The following PITPNB variants were observed in gnomAD, a reference collection of about 807,000 sequenced individuals.
The protein encoded by PITPNB is phosphatidylinositol transfer protein beta isoform.
A neutral mutation model predicts 45.9 loss-of-function variants in PITPNB; 16 were observed. The observed-to-expected ratio is 0.35, with a 90% confidence interval of 0.24 to 0.53. PITPNB has a LOEUF of 0.53. Ranked by LOEUF, PITPNB falls within the 20% of genes least tolerant of loss-of-function variation. The probability of loss-of-function intolerance (pLI) is 0.93; values close to 1 mark genes in which losing one functional copy is unlikely to be tolerated. For missense variants in PITPNB, 188 were observed against 330.5 expected (o/e 0.57, Z 3.34); for synonymous variants, 112 against 108.9 (o/e 1.03, Z -0.18).
At chr22:27,916,071 A>G (rs926580045) in intron 1 of PITPNB, among the ~76,000 whole-genome samples, 1 of 152,206 alleles carries the variant, frequency 6.6e-6, no homozygotes, top group Non-Finnish European at 1.5e-5. Flanking sequence ...AGGGATAGAG[A>G]AAGAAGAGTT....
intron 3 of PITPNB, among the ~76,000 whole-genome samples, chr22:27,907,467 G>C (rs1260746012): frequency 6.6e-6 from 1 of 152,186 alleles, no homozygotes; most frequent in Non-Finnish European, 1.5e-5. Flanking sequence ...GACAGCAAAT[G>C]GGCCCTGTTT....
intron 1 of PITPNB, among the ~76,000 whole-genome samples, chr22:27,916,425 C>T (rs1410372073): frequency 5.3e-5 from 8 of 152,206 alleles, no homozygotes; most frequent in Non-Finnish European, 1.2e-4. Flanking sequence ...CAGGACTTTA[C>T]ATTAATGGTA....
chr22:27,911,087 G>C lies in PITPNB; in HGVS notation c.74C>G (p.Ser25Cys), dbSNP rs1935907117. ...VQEYQVGQLYSVAEASKNETG... is the reference protein window; with the variant it reads ...VQEYQVGQLYCVAEASKNETG... ...CTCATTCTTACTAGCTTCTGCAACA[G>C]AGTAAAGCTGCCCAACCTGATACTG... The change falls in exon 3 of 12, where the codon TCT (serine) becomes TGT (cysteine). Residue 25 changes from serine (S) to cysteine (C), a missense_variant. Ser to Cys is a moderately radical substitution (Grantham distance 112). Coordinates refer to ENST00000335272, the MANE Select transcript of PITPNB (RefSeq NM_012399.5). 1.2e-6 allele frequency: 2 copies of C among 1,612,784 alleles called. No individual in the cohort carries two copies. Among genetic ancestry groups the C allele is most frequent in the Non-Finnish European group, 8.5e-7 (1 of 1,179,000 alleles).
chr22:27,851,764 T>G lies in PITPNB; in HGVS notation c.*1938A>C, dbSNP rs892935370. 9.2e-5 allele frequency: 14 copies of G among 152,220 alleles called. No individual in the cohort carries two copies. Among genetic ancestry groups the G allele is most frequent in the African/African-American group, 3.1e-4 (13 of 41,468 alleles). 9.4% of individuals were successfully genotyped at this position (152,220 alleles called of 1,614,324 possible). On this transcript the variant is annotated 3_prime_UTR_variant, in exon 12 of 12. Transcript: ENST00000335272. Reference sequence around the variant, plus strand: ...AGACTGGCAAGTAAACTAGGTATTTTACATTCACCACACATTCCCTCAAAT... The same window carrying G: ...AGACTGGCAAGTAAACTAGGTATTTGACATTCACCACACATTCCCTCAAAT...
rs140463641 is a variant in PITPNB at position 27,872,956 on chromosome 22, G to A, written c.534+782C>T. On this transcript the variant is annotated intron_variant, in intron 8 of 11. Transcript: ENST00000335272. ...TACCTTACTTCCATGAATAAAGTAA[G>A]GGTGTGCACTTTATTTAAAAACAAC... Among the ~76,000 whole-genome samples, 1,035 of 151,984 alleles carry A rather than the reference G, an allele frequency of 6.8e-3. 7 individuals carry two copies. The highest frequency in any genetic ancestry group is 0.023 in the African/African-American group (941 of 41,454).
rs1960329560 is a variant in PITPNB, at chr22:27,858,489, T to C, written c.666A>G (p.Thr222=). The change falls in exon 10 of 12, where the codon ACA becomes ACG. Residue 222 remains threonine (T), a synonymous_variant. Transcript: ENST00000335272. Reference sequence around the variant, plus strand: ...AACAAAAAAGCTGGCGATGGAAGTTTGTAAATATCCGTTTTTCTTGCTTTT... The same window carrying C: ...AACAAAAAAGCTGGCGATGGAAGTTCGTAAATATCCGTTTTTCTTGCTTTT... ...FIQKQEKRIF[T]NFHRQLFCWI... 8.7e-6 allele frequency: 14 copies of C among 1,610,374 alleles called. No homozygotes were observed. Among genetic ancestry groups the C allele is most frequent in the Middle Eastern group, 1.6e-4 (1 of 6,074 alleles).
At chr22:27,862,963 T>C (rs1934382546) in intron 8 of PITPNB, among the ~76,000 whole-genome samples, 1 of 152,192 alleles carries the variant, frequency 6.6e-6, no homozygotes, top group African/African-American at 2.4e-5. Context: ...AAGCCTTCCA[T>C]AAGACACAGC....
At chr22:27,858,117 A>G (rs1439614402) in intron 10 of PITPNB, among the ~76,000 whole-genome samples, 1 of 152,250 alleles carries the variant, frequency 6.6e-6, no homozygotes, top group Non-Finnish European at 1.5e-5. Flanking sequence ...GTGTGTAAGA[A>G]AGAATACAGA....
intron 3 of PITPNB, among the ~76,000 whole-genome samples, chr22:27,903,246 G>T (rs921622839): frequency 5.3e-5 from 8 of 151,984 alleles, no homozygotes; most frequent in South Asian, 2.1e-4. Flanking sequence ...GAGGAGGGTA[G>T]ATCACCTGAG....
chr22:27,908,191 T>C (rs1935818958), intron 3 of PITPNB, among the ~76,000 whole-genome samples: 1 of 150,800 alleles, frequency 6.6e-6, no homozygotes, highest in Non-Finnish European at 1.5e-5. Flanking sequence ...ATTCCTTTTC[T>C]TTCTCATAAA....
chr22:27,880,722 A>C (rs1352076214), intron 7 of PITPNB, among the ~76,000 whole-genome samples: 1 of 152,050 alleles, frequency 6.6e-6, no homozygotes, highest in Non-Finnish European at 1.5e-5. Context: ...TCCCAGGTTC[A>C]AGCGATTCTT....
chr22:27,866,358 T>A (rs774368412), intron 8 of PITPNB, among the ~76,000 whole-genome samples: 1 of 152,186 alleles, frequency 6.6e-6, no homozygotes, highest in Non-Finnish European at 1.5e-5. Flanking sequence ...ACAACACATA[T>A]TAGGTTACTC....
intron 7 of PITPNB, among the ~76,000 whole-genome samples, chr22:27,885,587 G>A (rs1439858489): frequency 6.6e-6 from 1 of 152,124 alleles, no homozygotes; most frequent in African/African-American, 2.4e-5. Flanking sequence ...ATAGCTCACT[G>A]CAGCCTCGAA....
intron 10 of PITPNB, among the ~76,000 whole-genome samples, chr22:27,856,136 T>C (rs1487634776): frequency 2.0e-5 from 3 of 152,196 alleles, no homozygotes; most frequent in Non-Finnish European, 4.4e-5. Flanking sequence ...AATGGTGAAA[T>C]TTGTCTTAAA....
intron 3 of PITPNB, among the ~76,000 whole-genome samples, chr22:27,903,577 G>A (rs1935671265): frequency 6.6e-6 from 1 of 151,136 alleles, no homozygotes; most frequent in Non-Finnish European, 1.5e-5. Context: ...AGGAGTTGGA[G>A]ACCAGCCTGG....
At chr22:27,861,533 A>C (rs1424948784) in intron 8 of PITPNB, among the ~76,000 whole-genome samples, 2 of 152,196 alleles carry the variant, frequency 1.3e-5, no homozygotes, top group African/African-American at 4.8e-5. Flanking sequence ...TGTGTGCAGA[A>C]GACCAAGATA....
intron 7 of PITPNB, among the ~76,000 whole-genome samples, chr22:27,886,005 G>A (rs565785342): frequency 6.6e-6 from 1 of 152,284 alleles, no homozygotes; most frequent in Admixed American, 6.5e-5. Flanking sequence ...GTGATGCCTG[G>A]GTTTAAAACA....
intron 9 of PITPNB, among the ~76,000 whole-genome samples, chr22:27,859,310 G>A (rs1934252776): frequency 6.6e-6 from 1 of 152,186 alleles, no homozygotes; most frequent in African/African-American, 2.4e-5. Flanking sequence ...AATAATCAAA[G>A]TTTCCAGCAC....
intron 7 of PITPNB, among the ~76,000 whole-genome samples, chr22:27,889,311 T>C (rs1357154486): frequency 6.6e-6 from 1 of 152,118 alleles, no homozygotes; most frequent in East Asian, 1.9e-4. Context: ...CCTTCATTTC[T>C]ATTCTGCTTG....
Sources: allele counts gnomAD v4.1 joint callset (sites outside exome capture counted in the v4.1 genomes callset), GRCh38; gene constraint gnomAD v4.1.1; transcripts MANE v1.5; gene names NCBI Gene and HGNC (gene_info 2026-07-23, HGNC 2026-07-21).